Variants in WWP2 observed in about 807,000 individuals in gnomAD.
The protein encoded by WWP2 is NEDD4-like E3 ubiquitin-protein ligase WWP2.
A neutral mutation model predicts 121.0 loss-of-function variants in WWP2; 57 were observed. The ratio of observed to expected loss-of-function variants is 0.47; its 90% confidence interval spans 0.38 to 0.59. The LOEUF (loss-of-function observed/expected upper bound fraction) is 0.59. Ranked by LOEUF, WWP2 falls within the 20% of genes least tolerant of loss-of-function variation. The pLI, the probability that WWP2 is intolerant of heterozygous loss-of-function variation, is 0.00. For missense variants in WWP2, 962 were observed against 1,158.9 expected (o/e 0.83, Z 2.47); for synonymous variants, 449 against 441.3 (o/e 1.02, Z -0.22).
intron 2 of WWP2, among the ~76,000 whole-genome samples, chr16:69,796,692 T>C (rs1013469714): frequency 1.3e-5 from 2 of 152,234 alleles, no homozygotes; most frequent in African/African-American, 4.8e-5. Context: ...TACCACCAGG[T>C]GGCCTCAGTT....
At chr16:69,873,895 T>C (rs1300629065) in intron 7 of WWP2, among the ~76,000 whole-genome samples, 1 of 152,234 alleles carries the variant, frequency 6.6e-6, no homozygotes, top group Non-Finnish European at 1.5e-5. Context: ...CTCTTGGACA[T>C]TTCAATAGAG....
chr16:69,917,198 G>T (rs537267723), intron 9 of WWP2, among the ~76,000 whole-genome samples: 1 of 152,218 alleles, frequency 6.6e-6, no homozygotes, highest in Non-Finnish European at 1.5e-5. Context: ...GATTCCAAGC[G>T]AAGCTTGGGC....
intron 10 of WWP2, among the ~76,000 whole-genome samples, chr16:69,920,042 G>A (rs1382132489): frequency 6.6e-6 from 1 of 151,780 alleles, no homozygotes; most frequent in African/African-American, 2.4e-5. Flanking sequence ...CAATCCACCT[G>A]CCTTGGCCTC....
intron 9 of WWP2, among the ~76,000 whole-genome samples, chr16:69,912,866 G>A (rs1010660003): frequency 2.1e-4 from 29 of 135,068 alleles, no homozygotes; most frequent in African/African-American, 7.0e-4. Flanking sequence ...AGGATCGCTT[G>A]AGTCCAGGAG....
chr16:69,824,507 C>T (rs1487796320), intron 4 of WWP2, among the ~76,000 whole-genome samples: 3 of 137,766 alleles, frequency 2.2e-5, no homozygotes, highest in Non-Finnish European at 4.7e-5. Context: ...TCCCTCCCTC[C>T]CTTCCCCCCT....
chr16:69,932,062 G>A (rs2058723751), intron 16 of WWP2, among the ~76,000 whole-genome samples, 172 bp downstream of exon 16: 1 of 152,254 alleles, frequency 6.6e-6, no homozygotes, highest in Non-Finnish European at 1.5e-5. Flanking sequence ...AGGCGCGGTG[G>A]CTCACGCCTA....
chr16:69,799,008 A>T lies in WWP2; in HGVS notation c.219-166A>T. ...TTGAGCTCATAGAGCGTTCATTATT[A>T]TCTAGAGGGTTACAGGGTCAGCTTT... On this transcript the variant is annotated intron_variant, in intron 3 of 23. Transcript: ENST00000359154. This position sits in a 1 kb window ranked among gnomAD's most constrained non-coding sequence, Gnocchi z 4.5. The T allele has an allele frequency of 7.5e-7, 1 of 1,340,616 alleles. No individual in the cohort carries two copies. Among genetic ancestry groups the T allele is most frequent in the South Asian group, 1.4e-5 (1 of 69,950 alleles). The allele number at this position is 1,340,616 out of a possible 1,614,324, so 83.0% of individuals were successfully genotyped here.
At chr16:69,782,073 A>G (rs1268002901) in intron 1 of WWP2, among the ~76,000 whole-genome samples, 1 of 152,168 alleles carries the variant, frequency 6.6e-6, no homozygotes, top group African/African-American at 2.4e-5. Context: ...ACCTGAGGTC[A>G]GGAGTTCGAG....
chr16:69,933,777 G>C (rs2058754296), intron 16 of WWP2, among the ~76,000 whole-genome samples, 193 bp from the exon 17 acceptor site: 1 of 152,138 alleles, frequency 6.6e-6, no homozygotes, highest in Admixed American at 6.5e-5. Context: ...CTGGTTCACT[G>C]TAGGTCTGAG....
In WWP2 at chr16:69,937,505, G is replaced by A. The variant is rs763403135; in HGVS notation, c.2239-43G>A. The A allele has an allele frequency of 3.3e-5, 53 of 1,601,024 alleles. No homozygotes were observed. Among genetic ancestry groups the A allele is most frequent in the African/African-American group, 6.7e-5 (5 of 74,598 alleles). ...AAGTGCTAGCGAGTGGACGATGCGC[G>A]GGGAGGGACCTGCCGGGGATGCTGA... On this transcript the variant is annotated intron_variant, in intron 20 of 23. Coordinates refer to ENST00000359154, the MANE Select transcript of WWP2 (RefSeq NM_001270454.2). This position sits in a 1 kb window ranked among gnomAD's most constrained non-coding sequence, Gnocchi z 6.6.
rs955788228 is a variant in WWP2 at position 69,799,834 on chromosome 16, C to G, written c.340+539C>G. 2.0e-5 allele frequency among the ~76,000 whole-genome samples: 3 copies of G among 152,142 alleles called. No individual in the cohort carries two copies. The highest frequency in any genetic ancestry group is 1.3e-4 in the Admixed American group (2 of 15,266). On this transcript the variant is annotated intron_variant, in intron 4 of 23. Transcript: ENST00000359154. This position sits in a 1 kb window ranked among gnomAD's most constrained non-coding sequence, Gnocchi z 4.5. ...TGATGGACGCGCCATCTGAATTAGC[C>G]AACGTGCCTCTACGTCACGGACATA... is the stretch of plus-strand genomic sequence containing the variant.
chr16:69,896,911 C>T (rs766473794), intron 8 of WWP2, among the ~76,000 whole-genome samples: 8 of 152,118 alleles, frequency 5.3e-5, no homozygotes, highest in Non-Finnish European at 8.8e-5. Flanking sequence ...ACCACATATA[C>T]AGATACACGT....
Position 69,893,846 on chromosome 16 carries a change from C to T in WWP2, c.914+5597C>T, listed in dbSNP as rs181232152. ...GGAGTGAGCCACTGCACCCAGCCCT[C>T]AGAATGCTCTTCTCTGTTCATAAAG... On this transcript the variant is annotated intron_variant, in intron 8 of 23. Coordinates refer to ENST00000359154, the MANE Select transcript of WWP2 (RefSeq NM_001270454.2). 2.5e-3 allele frequency among the ~76,000 whole-genome samples: 382 copies of T among 151,992 alleles called. 10 individuals carry two copies. The highest frequency in any genetic ancestry group is 0.023 in the Admixed American group (357 of 15,258).
chr16:69,811,281 T>G (rs1017131675), intron 4 of WWP2, among the ~76,000 whole-genome samples: 1 of 152,062 alleles, frequency 6.6e-6, no homozygotes, highest in Non-Finnish European at 1.5e-5. Flanking sequence ...TAGCTTGAAG[T>G]AGGTTTTTTC....
chr16:69,899,470 C>G (rs2058163657), intron 8 of WWP2, among the ~76,000 whole-genome samples: 1 of 152,120 alleles, frequency 6.6e-6, no homozygotes, highest in African/African-American at 2.4e-5. Context: ...TGGCTCATGC[C>G]TATAATCCCA....
At chr16:69,890,971 G>A (rs553902485) in intron 8 of WWP2, 10 of 152,362 alleles carry the variant, frequency 6.6e-5, no homozygotes, top group Admixed American at 5.2e-4. Flanking sequence ...ACTTGAACAT[G>A]TACGATGGTC....
intron 4 of WWP2, among the ~76,000 whole-genome samples, chr16:69,817,392 A>T (rs1445437563): frequency 6.6e-6 from 1 of 151,062 alleles, no homozygotes; most frequent in Non-Finnish European, 1.5e-5. Context: ...GGGATTACAG[A>T]TGTGCACCAC....
At chr16:69,936,115 C>G in intron 18 of WWP2, 129 bp downstream of exon 18, 2 of 1,474,618 alleles carry the variant, frequency 1.4e-6, no homozygotes, top group Non-Finnish European at 9.2e-7. Flanking sequence ...TCTATAAGAG[C>G]TTGTGGAGAG....
At chr16:69,862,773 G>A (rs9935492) in intron 6 of WWP2, among the ~76,000 whole-genome samples, 5,984 of 133,010 alleles carry the variant, frequency 0.045, 436 homozygotes, top group African/African-American at 0.16. Context: ...AGGATAGAGT[G>A]TAGTGGTGTG....
Sources: allele counts gnomAD v4.1 joint callset (sites outside exome capture counted in the v4.1 genomes callset), GRCh38; gene constraint gnomAD v4.1.1; non-coding constraint Gnocchi (gnomAD v3.1); transcripts MANE v1.5; gene names NCBI Gene and HGNC (gene_info 2026-07-23, HGNC 2026-07-21).